PRIM2: variants seen among roughly 807,000 people sequenced by gnomAD.
PRIM2 encodes DNA primase subunit 2.
Under a neutral mutation model 67.3 loss-of-function variants are expected in PRIM2, and 39 were observed. That is an observed-to-expected ratio of 0.58 (90% CI 0.45 to 0.76). The LOEUF (loss-of-function observed/expected upper bound fraction) is 0.76, where lower values mean the gene tolerates loss of function less well. PRIM2 is among the 30% of genes least tolerant of loss of function. The pLI, the probability that PRIM2 is intolerant of heterozygous loss-of-function variation, is 0.00. For synonymous variants in PRIM2, 143 were observed against 198.7 expected, an observed-to-expected ratio of 0.72 and a Z score of 2.36; for missense variants, 398 against 598.7, an observed-to-expected ratio of 0.66 and a Z score of 3.50.
intron 7 of PRIM2, among the ~76,000 whole-genome samples, chr6:57,503,526 A>G (rs1391328791): frequency 6.6e-6 from 1 of 152,188 alleles, no homozygotes; most frequent in African/African-American, 2.4e-5. Context: ...AGGCGGGTGG[A>G]TCACTTGAGG....
the PRIM2 span, among the ~76,000 whole-genome samples, chr6:57,309,060 T>C: frequency 6.6e-6 from 1 of 151,698 alleles, no homozygotes; most frequent in Admixed American, 6.6e-5. Flanking sequence ...AGGTCTCTGG[T>C]TTTCCTAGGC....
intron 9 of PRIM2, among the ~76,000 whole-genome samples, chr6:57,535,084 A>G (rs1270681277): frequency 6.6e-6 from 1 of 152,098 alleles, no homozygotes; most frequent in Non-Finnish European, 1.5e-5. Flanking sequence ...CCAGGGCTGT[A>G]CACATAGTAA....
chr6:57,532,346 T>G, intron 8 of PRIM2, 65 bp from the exon 9 acceptor site: 1 of 625,820 alleles, frequency 1.6e-6, no homozygotes, highest in Non-Finnish European at 2.5e-6. Context: ...TTTAAAAAAT[T>G]TCCTTCGAAG....
intron 7 of PRIM2, among the ~76,000 whole-genome samples, chr6:57,466,408 C>A (rs1332462978): frequency 1.3e-5 from 2 of 152,188 alleles, no homozygotes; most frequent in Admixed American, 1.3e-4. Context: ...CTGTCTTCCA[C>A]AATGGTTGAA....
intron 7 of PRIM2, among the ~76,000 whole-genome samples, chr6:57,497,017 G>C (rs1334219581): frequency 6.6e-6 from 1 of 152,146 alleles, no homozygotes; most frequent in Non-Finnish European, 1.5e-5. Context: ...ATGGCCAAAT[G>C]TATGGGGCTA....
At chr6:57,610,771 T>G in intron 12 of PRIM2, among the ~76,000 whole-genome samples, 1 of 152,314 alleles carries the variant, frequency 6.6e-6, no homozygotes, top group Middle Eastern at 3.4e-3. Flanking sequence ...TTTGGAGACT[T>G]CAGCACTCCT....
chr6:57,579,399 T>C (rs1304258084), intron 10 of PRIM2, among the ~76,000 whole-genome samples: 29 of 152,212 alleles, frequency 1.9e-4, no homozygotes, highest in African/African-American at 7.0e-4. Context: ...AGGCACGGTA[T>C]AGTCTTCTAT....
chr6:57,364,865 T>C (rs1769307033), intron 5 of PRIM2, among the ~76,000 whole-genome samples: 4 of 152,186 alleles, frequency 2.6e-5, no homozygotes, highest in Admixed American at 2.6e-4. Flanking sequence ...AGTTTAACAG[T>C]ATTTTTAAAA....
At chr6:57,378,976 G>T in intron 5 of PRIM2, among the ~76,000 whole-genome samples, 1 of 132,576 alleles carries the variant, frequency 7.5e-6, no homozygotes, top group Non-Finnish European at 1.6e-5. Flanking sequence ...GTTTTTATTT[G>T]TGTGCTTGTC....
intron 5 of PRIM2, among the ~76,000 whole-genome samples, chr6:57,365,733 G>A (rs944251954): frequency 3.3e-5 from 5 of 152,136 alleles, no homozygotes; most frequent in Non-Finnish European, 5.9e-5. Flanking sequence ...GCCAAGGCAG[G>A]AGGATTGTTT....
chr6:57,450,143 C>A (rs556913742), intron 7 of PRIM2, among the ~76,000 whole-genome samples: 1 of 152,034 alleles, frequency 6.6e-6, no homozygotes, highest in South Asian at 2.1e-4. Flanking sequence ...AATACCAAAA[C>A]AAGATTTAAG....
chr6:57,539,566 TTGTG>T lies in PRIM2; in HGVS notation c.1020+1959_1020+1962del, dbSNP rs1175516387. On this transcript the variant is annotated intron_variant, in intron 10 of 13. Transcript: ENST00000615550. ...TTGATTATAGTTTTGATTATATTCT[TTGTG>T]TGTGTGTGTGTGTGTGTCAATTATA... is the stretch of plus-strand genomic sequence containing the variant. Among the ~76,000 whole-genome samples, 822 of 147,418 alleles carry T rather than the reference TTGTG, an allele frequency of 5.6e-3. 9 individuals are homozygous for T. The highest frequency in any genetic ancestry group is 6.5e-3 in the Admixed American group (96 of 14,740).
intron 7 of PRIM2, among the ~76,000 whole-genome samples, chr6:57,458,193 T>C (rs1438620234): frequency 6.6e-6 from 1 of 152,152 alleles, no homozygotes; most frequent in African/African-American, 2.4e-5. Context: ...CTCTGTTCCA[T>C]ATTGTCTTCA....
At chr6:57,235,659 CAAA>C in the PRIM2 span, among the ~76,000 whole-genome samples, 7 of 152,146 alleles carry the variant, frequency 4.6e-5, no homozygotes, top group Admixed American at 4.6e-4. Flanking sequence ...CCTTGCATGG[CAAA>C]AAGGACTTTG....
intron 8 of PRIM2, among the ~76,000 whole-genome samples, chr6:57,524,128 T>G (rs2127465258): frequency 6.6e-6 from 1 of 152,288 alleles, no homozygotes; most frequent in East Asian, 1.9e-4. Context: ...ATTAGATTGA[T>G]TTAATTGGAT....
the PRIM2 span, among the ~76,000 whole-genome samples, chr6:57,228,730 C>T: frequency 6.6e-6 from 1 of 152,312 alleles, no homozygotes; most frequent in South Asian, 2.1e-4. Context: ...TCCAGCTGTA[C>T]CACTTACTAG....
chr6:57,561,744 T>A (rs1775636679), intron 10 of PRIM2, among the ~76,000 whole-genome samples: 1 of 152,228 alleles, frequency 6.6e-6, no homozygotes, highest in African/African-American at 2.4e-5. Context: ...AGAATCACTT[T>A]TGATTTCCTT....
chr6:57,362,084 A>G (rs867315109), intron 5 of PRIM2, among the ~76,000 whole-genome samples: 2 of 152,194 alleles, frequency 1.3e-5, no homozygotes, highest in African/African-American at 4.8e-5. Context: ...AACTAAAAAT[A>G]TTGAATTGGG....
At chr6:57,399,269 C>T (rs1364751677) in intron 7 of PRIM2, among the ~76,000 whole-genome samples, 1 of 152,136 alleles carries the variant, frequency 6.6e-6, no homozygotes, top group East Asian at 1.9e-4. Context: ...CAGTTCCCAC[C>T]TATGAGTGAG....
Sources: gnomAD v4.1 joint callset for allele counts (sites outside exome capture counted in the v4.1 genomes callset) on GRCh38, gnomAD v4.1.1 for gene constraint, MANE v1.5 for transcripts, NCBI Gene and HGNC (gene_info 2026-07-23, HGNC 2026-07-21) for gene names.